The following DYNC2I2 variants were observed in gnomAD, a reference collection of about 807,000 sequenced individuals.
DYNC2I2 encodes the protein cytoplasmic dynein 2 intermediate chain 2.
In DYNC2I2, 39 loss-of-function variants were observed where a neutral mutation model predicts 52.0. The observed-to-expected ratio is 0.75, with a 90% confidence interval of 0.58 to 0.98. The LOEUF (loss-of-function observed/expected upper bound fraction) is 0.98, where lower values mean the gene tolerates loss of function less well. Among genes scored for constraint, DYNC2I2 ranks in the 50% least tolerant of loss-of-function variants. DYNC2I2 has a pLI of 0.00. For synonymous variants in DYNC2I2, 359 were observed against 321.1 expected, an observed-to-expected ratio of 1.12 and a Z score of -1.26; for missense variants, 743 against 728.4, an observed-to-expected ratio of 1.02 and a Z score of -0.23.
At chr9:128,670,144 G>GA in the DYNC2I2 span, among the ~76,000 whole-genome samples, 12 of 146,152 alleles carry the variant, frequency 8.2e-5, no homozygotes, top group African/African-American at 1.8e-4. Flanking sequence ...TGTCTCAAAG[G>GA]AAAAAAAAAA....
At chr9:128,670,933 G>T in the DYNC2I2 span, among the ~76,000 whole-genome samples, 2 of 151,714 alleles carry the variant, frequency 1.3e-5, no homozygotes, top group African/African-American at 4.8e-5. Flanking sequence ...CAGGCGTGGT[G>T]GCACGTGCCT....
At chr9:128,668,434 C>T in the DYNC2I2 span, among the ~76,000 whole-genome samples, 6 of 152,084 alleles carry the variant, frequency 3.9e-5, no homozygotes, top group East Asian at 1.9e-4. Context: ...GTGATCCGCC[C>T]GCCTTGGCGT....
chr9:128,633,902 C>T lies in DYNC2I2; in HGVS notation c.1453G>A (p.Val485Ile), dbSNP rs375843859. 12 of 1,613,374 alleles carry T rather than the reference C, an allele frequency of 7.4e-6. No individual in the cohort carries two copies. Among genetic ancestry groups the T allele is most frequent in the East Asian group, 2.2e-5 (1 of 44,894 alleles). The change falls in exon 9 of 9, where the codon GTC (valine) becomes ATC (isoleucine). Residue 485 changes from valine (V) to isoleucine (I), a missense_variant. Val to Ile is a conservative substitution (Grantham distance 29). Coordinates refer to ENST00000372715, the MANE Select transcript of DYNC2I2 (RefSeq NM_052844.4). The stretch of plus-strand genomic sequence containing the variant: ...TGGCTGTTGAACTCCAGACAGTAGA[C>T]AGGGCTTTCATCCTGGGTTTGCTTG... ...LIKQTQDESP[V>I]YCLEFNSQQT...
intron 2 of DYNC2I2, 102 bp from the exon 3 acceptor site, chr9:128,637,129 C>A (rs1860430684): frequency 6.9e-6 from 5 of 727,870 alleles, no homozygotes; most frequent in South Asian, 1.6e-5. Context: ...GCCCTAGAGG[C>A]CCTCAAGTCC....
intron 1 of DYNC2I2, among the ~76,000 whole-genome samples, chr9:128,641,976 TACACACACACACAC>T (rs142269423): frequency 6.8e-6 from 1 of 146,994 alleles, no homozygotes; most frequent in African/African-American, 2.5e-5. Context: ...TTTATATACA[TACACACACACACAC>T]ACACACACAC....
intron 1 of DYNC2I2, among the ~76,000 whole-genome samples, chr9:128,648,343 G>A (rs755861864): frequency 1.2e-4 from 18 of 152,122 alleles, no homozygotes; most frequent in Non-Finnish European, 2.5e-4. Flanking sequence ...TAAGGTGGAG[G>A]TTGCAGTGAG....
intron 1 of DYNC2I2, among the ~76,000 whole-genome samples, chr9:128,647,120 T>G (rs1439921893): frequency 6.6e-6 from 1 of 152,084 alleles, no homozygotes; most frequent in Non-Finnish European, 1.5e-5. Context: ...GGCGAAACTC[T>G]GTCTCAAAAA....
rs1162604683 is a variant in DYNC2I2 at position 128,634,015 on chromosome 9, A to T, written c.1373-33T>A. The T allele has an allele frequency of 2.5e-6, 4 of 1,610,652 alleles. No individual in the cohort carries two copies. The Admixed American group carries it at 6.7e-5, about 27-fold the overall frequency. On this transcript the variant is annotated intron_variant, in intron 8 of 8. Coordinates refer to ENST00000372715, the MANE Select transcript of DYNC2I2 (RefSeq NM_052844.4). ...GAGAGACAGATACGTGGAGTAAGAG[A>T]AACTCTAGAGACCAACCACATGGCA... is the stretch of plus-strand genomic sequence containing the variant.
Position 128,633,985 on chromosome 9 carries a change from G to A in DYNC2I2, c.1373-3C>T, listed in dbSNP as rs1860269874. 6 of 1,612,908 alleles carry A rather than the reference G, an allele frequency of 3.7e-6. No homozygotes were observed. The highest frequency in any genetic ancestry group is 5.1e-6 in the Non-Finnish European group (6 of 1,179,940). On this transcript the variant is annotated splice_region_variant and splice_polypyrimidine_tract_variant and intron_variant, in intron 8 of 8. Transcript: ENST00000372715. The stretch of plus-strand genomic sequence containing the variant: ...GAGATCAAACAGCTGCACGTCACCT[G>A]CAAAGAGAGACAGATACGTGGAGTA...
the DYNC2I2 span, among the ~76,000 whole-genome samples, chr9:128,666,233 G>A: frequency 6.7e-6 from 1 of 148,776 alleles, no homozygotes; most frequent in South Asian, 2.1e-4. Flanking sequence ...AAAGTTAGCC[G>A]GGCGTGGGCA....
At chr9:128,652,409 G>C (rs950410890) in intron 1 of DYNC2I2, among the ~76,000 whole-genome samples, 2 of 145,592 alleles carry the variant, frequency 1.4e-5, no homozygotes, top group African/African-American at 2.7e-5. Flanking sequence ...TCCAGCCTGG[G>C]GAACAAGAGC....
upstream of DYNC2I2, chr9:128,656,932 A>T: frequency 2.0e-6 from 1 of 500,434 alleles, no homozygotes; most frequent in African/African-American, 2.0e-5. Context: ...CCCTGTCCCC[A>T]GAAAAAGCAC....
rs867246942 is a variant in DYNC2I2, at chr9:128,656,723, C to T, written c.4G>A (p.Ala2Thr). Residue 2 changes from alanine (A) to threonine (T), a missense_variant, in exon 1 of 9, where the codon GCA becomes ACA. Coordinates refer to ENST00000372715, the MANE Select transcript of DYNC2I2 (RefSeq NM_052844.4). The stretch of plus-strand genomic sequence containing the variant: ...AGTGGCCCCGGCTGCGCGCGGGTTG[C>T]CATGGAGACGGTTCCGCCCTCTCGT... M[A>T]TRAQPGPLSQ... The T allele has an allele frequency of 4.2e-6, 6 of 1,411,782 alleles. No homozygotes were observed. The Admixed American group carries it at 2.0e-4, about 47-fold the overall frequency. 87.5% of individuals were successfully genotyped at this position (1,411,782 alleles called of 1,614,324 possible).
intron 1 of DYNC2I2, among the ~76,000 whole-genome samples, chr9:128,649,687 T>TAAAAAAA (rs1860687910): frequency 1.4e-4 from 1 of 7,376 alleles, no homozygotes; most frequent in Non-Finnish European, 2.0e-4. Context: ...AGACTCCATC[T>TAAAAAAA]CAAAAAAAAA....
chr9:128,634,569 G>T, intron 7 of DYNC2I2, 120 bp downstream of exon 7: 2 of 1,282,552 alleles, frequency 1.6e-6, no homozygotes, highest in Non-Finnish European at 2.1e-6. Context: ...ACCTGAACAC[G>T]GGTCTCAGAG....
At chr9:128,680,439 G>A in the DYNC2I2 span, among the ~76,000 whole-genome samples, 9 of 151,778 alleles carry the variant, frequency 5.9e-5, no homozygotes, top group African/African-American at 1.9e-4. Context: ...GTGCAGTGGC[G>A]CGATCTCGGC....
chr9:128,669,314 G>A, the DYNC2I2 span, among the ~76,000 whole-genome samples: 6 of 151,996 alleles, frequency 3.9e-5, no homozygotes, highest in African/African-American at 7.2e-5. Context: ...GCAGTGAGCC[G>A]AGATTGCGCC....
At chr9:128,634,157 C>T in intron 8 of DYNC2I2, 69 bp downstream of exon 8, 1 of 1,597,488 alleles carries the variant, frequency 6.3e-7, no homozygotes, top group Admixed American at 1.7e-5. Flanking sequence ...CAACCCAGAA[C>T]CCCAGGTACA....
At chr9:128,645,489 C>T (rs112901601) in intron 1 of DYNC2I2, among the ~76,000 whole-genome samples, 7 of 150,586 alleles carry the variant, frequency 4.6e-5, no homozygotes, top group African/African-American at 9.8e-5. Context: ...TGGTGGCGGG[C>T]GCCTGTAGTC....
Sources: allele counts gnomAD v4.1 joint callset (sites outside exome capture counted in the v4.1 genomes callset), GRCh38; gene constraint gnomAD v4.1.1; transcripts MANE v1.5; gene names NCBI Gene and HGNC (gene_info 2026-07-23, HGNC 2026-07-21).